The following DAB1 variants were observed in gnomAD, a reference collection of about 807,000 sequenced individuals.
DAB1 encodes the protein disabled homolog 1.
DAB1 carries 15 observed loss-of-function variants against 64.6 expected under a neutral mutation model. The ratio of observed to expected loss-of-function variants is 0.23; its 90% CI spans 0.16 to 0.36. DAB1 has a LOEUF of 0.36. Among genes scored for constraint, DAB1 ranks in the 10% least tolerant of loss-of-function variants. The pLI, the probability that DAB1 is intolerant of heterozygous loss-of-function variation, is 1.00. For missense variants in DAB1, 596 were observed against 706.7 expected, an observed-to-expected ratio of 0.84 and a Z score of 1.78; for synonymous variants, 235 against 251.9, an observed-to-expected ratio of 0.93 and a Z score of 0.64.
chr1:57,999,549 C>G (rs1451336617), intron 5 of DAB1, among the ~76,000 whole-genome samples: 1 of 152,184 alleles, frequency 6.6e-6, no homozygotes, highest in Non-Finnish European at 1.5e-5. Flanking sequence ...CCTCTCTCAA[C>G]CAAGAGCAAT....
intron 14 of DAB1, among the ~76,000 whole-genome samples, chr1:57,001,419 GTC>G (rs1037342196): frequency 1.3e-5 from 2 of 152,152 alleles, no homozygotes; most frequent in African/African-American, 4.8e-5. Flanking sequence ...AGGCCCATTA[GTC>G]TCTTAGTCCA....
intron 6 of DAB1, among the ~76,000 whole-genome samples, chr1:57,706,987 T>A (rs1646974644): frequency 6.6e-6 from 1 of 151,988 alleles, no homozygotes; most frequent in South Asian, 2.1e-4. Flanking sequence ...GGCTGGAGAA[T>A]CGCTTGAACC....
intron 6 of DAB1, among the ~76,000 whole-genome samples, chr1:57,696,281 A>G (rs1214345582): frequency 2.0e-5 from 3 of 152,126 alleles, no homozygotes; most frequent in Admixed American, 2.0e-4. Context: ...CCTGAGATGG[A>G]AATCTGCAAG....
At chr1:57,090,715 T>C (rs999753208) in intron 4 of DAB1, among the ~76,000 whole-genome samples, 9 of 152,156 alleles carry the variant, frequency 5.9e-5, no homozygotes, top group African/African-American at 2.2e-4. Flanking sequence ...TATTGCTTAT[T>C]ATACATTTCC....
intron 5 of DAB1, among the ~76,000 whole-genome samples, chr1:58,118,485 T>TAC (rs1397914860): frequency 1.3e-5 from 1 of 76,690 alleles, no homozygotes; most frequent in Non-Finnish European, 2.3e-5. Context: ...TATATATATA[T>TAC]ATATATATAT....
chr1:58,142,393 A>G (rs1654339056), intron 5 of DAB1, among the ~76,000 whole-genome samples: 1 of 152,138 alleles, frequency 6.6e-6, no homozygotes, highest in Admixed American at 6.5e-5. Flanking sequence ...TCCATTTTTA[A>G]TTTCTTTTAG....
At chr1:57,436,757 G>A (rs965666517) in intron 7 of DAB1, among the ~76,000 whole-genome samples, 7 of 152,056 alleles carry the variant, frequency 4.6e-5, no homozygotes, top group Non-Finnish European at 7.4e-5. Context: ...GGCTGGGTGC[G>A]GTGGCTCACG....
intron 1 of DAB1, among the ~76,000 whole-genome samples, chr1:57,353,374 T>A (rs185150193): frequency 1.4e-3 from 213 of 152,246 alleles, no homozygotes; most frequent in African/African-American, 4.8e-3. Context: ...GCCTATGGTT[T>A]TCCATTCCTT....
At chr1:58,197,405 C>CA (rs1553166788) in intron 4 of DAB1, among the ~76,000 whole-genome samples, 1 of 148,038 alleles carries the variant, frequency 6.8e-6, no homozygotes, top group African/African-American at 2.5e-5. Context: ...GAGAGTTACA[C>CA]TTTTTTTTTT....
At chr1:57,961,721 C>G (rs11207139) in intron 5 of DAB1, among the ~76,000 whole-genome samples, 58,594 of 151,996 alleles carry the variant, frequency 0.39, 12,844 homozygotes, top group Admixed American at 0.51. Flanking sequence ...GTAATCCCAG[C>G]ACTGTGGGAG....
chr1:57,097,969 G>T (rs1274870125), intron 4 of DAB1, among the ~76,000 whole-genome samples: 1 of 152,002 alleles, frequency 6.6e-6, no homozygotes, highest in Non-Finnish European at 1.5e-5. Context: ...AATAGGGACG[G>T]GGTTTCACCG....
chr1:57,938,033 C>A (rs957030214), intron 5 of DAB1, among the ~76,000 whole-genome samples: 1 of 152,224 alleles, frequency 6.6e-6, no homozygotes, highest in Non-Finnish European at 1.5e-5. Context: ...GTTCAGAGAA[C>A]ATTCTGGGCC....
At chr1:57,914,992 T>C (rs756043906) in intron 5 of DAB1, among the ~76,000 whole-genome samples, 1 of 152,120 alleles carries the variant, frequency 6.6e-6, no homozygotes, top group Non-Finnish European at 1.5e-5. Flanking sequence ...TGTATCTTAC[T>C]ATGCTAGCTG....
In DAB1 at chr1:57,147,959, C is replaced by G. The variant is rs139555141; in HGVS notation, c.68-2530G>C. Among the ~76,000 whole-genome samples, 180 of 152,314 alleles carry G rather than the reference C, an allele frequency of 1.2e-3. 1 individual carries two copies. The highest frequency in any genetic ancestry group is 7.3e-3 in the South Asian group (35 of 4,826). On this transcript the variant is annotated intron_variant, in intron 2 of 14. Transcript: ENST00000371236. ...GTGGTTTGCTTGTGTTCTGTGTTTT[C>G]AAGCCTGTTCGCCTAACCACCATGA...
At chr1:57,648,383 G>A (rs1344655973) in intron 7 of DAB1, among the ~76,000 whole-genome samples, 1 of 152,144 alleles carries the variant, frequency 6.6e-6, no homozygotes, top group African/African-American at 2.4e-5. Flanking sequence ...AGCTTAACAT[G>A]TCAATAAGCC....
intron 5 of DAB1, among the ~76,000 whole-genome samples, chr1:58,040,382 C>T (rs1368616428): frequency 3.3e-5 from 5 of 152,228 alleles, no homozygotes; most frequent in Non-Finnish European, 7.4e-5. Flanking sequence ...GGGATATAGA[C>T]GGGGTTGTCA....
In DAB1 at chr1:57,695,380, G is replaced by GA. The variant is rs879274770; in HGVS notation, n.552-45716dup. On this transcript the variant is annotated intron_variant and non_coding_transcript_variant, in intron 6 of 20. Transcript: ENST00000485760. Reference sequence around the variant, plus strand: ...AAGAAAGAAGAAAGAAAGAAAGAAAGAAAGAAAGAAAGAAAGAAAGAAAGA... The same window carrying GA: ...AAGAAAGAAGAAAGAAAGAAAGAAAGAAAAGAAAGAAAGAAAGAAAGAAAGA... 9.6e-3 allele frequency among the ~76,000 whole-genome samples: 659 copies of GA among 68,946 alleles called. 12 individuals carry two copies. Among genetic ancestry groups the GA allele is most frequent in the Admixed American group, 0.023 (143 of 6,232 alleles). The allele number at this position is 68,946 out of a possible 152,430, so 45.2% of individuals were successfully genotyped here. A position where few individuals can be genotyped will look rare whatever the true frequency, so the allele number is the denominator to read the frequency against.
chr1:57,064,265 G>A (rs544808776), intron 8 of DAB1, among the ~76,000 whole-genome samples: 2 of 152,264 alleles, frequency 1.3e-5, no homozygotes, highest in East Asian at 3.9e-4. Context: ...ACTTTAAATA[G>A]GAGAAAGTGA....
intron 7 of DAB1, among the ~76,000 whole-genome samples, chr1:57,520,952 G>A (rs766679882): frequency 6.6e-6 from 1 of 151,990 alleles, no homozygotes; most frequent in Non-Finnish European, 1.5e-5. Context: ...GGCCATGAAA[G>A]GTAATGTCTT....
Sources: gnomAD v4.1 joint callset for allele counts (sites outside exome capture counted in the v4.1 genomes callset) on GRCh38, gnomAD v4.1.1 for gene constraint, MANE v1.5 for transcripts, NCBI Gene and HGNC (gene_info 2026-07-23, HGNC 2026-07-21) for gene names.